The following NRBP2 variants were observed in gnomAD, a reference collection of about 807,000 sequenced individuals.
The protein encoded by NRBP2 is nuclear receptor-binding protein 2.
Under a neutral mutation model 74.4 loss-of-function variants are expected in NRBP2, and 47 were observed. The observed-to-expected ratio is 0.63, with a 90% CI of 0.50 to 0.81. The LOEUF (loss-of-function observed/expected upper bound fraction) is 0.81, where lower values mean the gene tolerates loss of function less well. Ranked by LOEUF, NRBP2 falls within the 30% of genes least tolerant of loss-of-function variation. The pLI is 0.00. For missense variants in NRBP2, 613 were observed against 690.1 expected (o/e 0.89, Z 1.25); for synonymous variants, 312 against 273.8 (o/e 1.14, Z -1.38).
In NRBP2 at chr8:143,840,807, G is replaced by T. The variant is rs2130565302; in HGVS notation, c.28C>A (p.Arg10=). 6.7e-7 allele frequency: 1 copy of T among 1,496,048 alleles called. No individual in the cohort carries two copies. The highest frequency in any genetic ancestry group is 1.3e-5 in the South Asian group (1 of 79,978). The allele number at this position is 1,496,048 out of a possible 1,614,324, so 92.7% of individuals were successfully genotyped here. Residue 10 remains arginine, a synonymous_variant, in exon 1 of 18, where the codon CGG becomes AGG. Transcript: ENST00000442628. This position sits in a 1 kb window ranked among gnomAD's most constrained non-coding sequence, Gnocchi z 5.7. MAAPEPAPR[R]ARERERERED... ...CGCTCCCGCTCCCGTTCCCGGGCCCGCCTCGGCGCCGGCTCCGGGGCCGCC... is the reference window on the plus strand; with the variant it reads ...CGCTCCCGCTCCCGTTCCCGGGCCCTCCTCGGCGCCGGCTCCGGGGCCGCC...
chr8:143,836,618 G>C (rs1256207966), intron 14 of NRBP2, among the ~76,000 whole-genome samples: 1 of 150,002 alleles, frequency 6.7e-6, no homozygotes, highest in Non-Finnish European at 1.5e-5. Context: ...CTGGCCAGGA[G>C]GGGGTGCTGC....
chr8:143,839,377 G>C lies in NRBP2; in HGVS notation c.517C>G (p.His173Asp). ...FLHACSPPII[H>D]GNLTSDTIFI... ...ATGGTGTCGCTGGTCAGGTTCCCGT[G>C]GATGATTGGGGGGCTGCAGGCGTGC... Residue 173 changes from histidine (H) to aspartate (D), a missense_variant, in exon 6 of 18, where the codon CAC (histidine) becomes GAC (aspartate). This residue lies in a region of NRBP2 where 332 missense variants were observed against 429.2 expected (regional missense o/e 0.77). Coordinates refer to ENST00000442628, the MANE Select transcript of NRBP2 (RefSeq NM_178564.4). The surrounding 1 kb of genome is among the most constrained non-coding windows in gnomAD (Gnocchi z 5.1). 2 of 1,589,092 alleles carry C rather than the reference G, an allele frequency of 1.3e-6. No homozygotes were observed. Among genetic ancestry groups the C allele is most frequent in the Non-Finnish European group, 1.7e-6 (2 of 1,174,996 alleles).
At position 143,839,909 on chromosome 8, in the gene NRBP2, G is replaced by C. The variant is rs1365609206; in HGVS notation, c.354+20C>G. 1.3e-6 allele frequency: 2 copies of C among 1,535,312 alleles called. No homozygotes were observed. Among genetic ancestry groups the C allele is most frequent in the South Asian group, 1.2e-5 (1 of 84,046 alleles). ...ACCTAGCTGTGGTCTCTGCCTGCCCGGGGCCTTGCCCGTGCTCACCCTCGC... is the reference window on the plus strand; with the variant it reads ...ACCTAGCTGTGGTCTCTGCCTGCCCCGGGCCTTGCCCGTGCTCACCCTCGC... On this transcript the variant is annotated intron_variant, in intron 3 of 17. Transcript: ENST00000442628. This position sits in a 1 kb window ranked among gnomAD's most constrained non-coding sequence, Gnocchi z 5.1.
At position 143,838,741 on chromosome 8, in the gene NRBP2, G is replaced by A. The variant is rs375214093; in HGVS notation, c.779C>T (p.Thr260Ile). 6.2e-7 allele frequency: 1 copy of A among 1,613,440 alleles called. No individual in the cohort carries two copies. ...AGCAATGGCCTCCTCTGTGACCCGGGTGTCCCCATTGGTCTGGATTTCCAG... is the reference window on the plus strand; with the variant it reads ...AGCAATGGCCTCCTCTGTGACCCGGATGTCCCCATTGGTCTGGATTTCCAG... The part of the protein sequence containing the change: ...AVLEIQTNGD[T>I]RVTEEAIARA... The change falls in exon 10 of 18, where the codon ACC (threonine) becomes ATC (isoleucine). Residue 260 changes from threonine to isoleucine, a missense_variant. Coordinates refer to ENST00000442628, the MANE Select transcript of NRBP2 (RefSeq NM_178564.4).
Position 143,840,925 on chromosome 8 carries a change from G to T in NRBP2, c.-91C>A. On this transcript the variant is annotated 5_prime_UTR_variant, in exon 1 of 18. In the 5' UTR this introduces an upstream ATG that the reference lacks. Transcript: ENST00000442628. The surrounding 1 kb of genome is among the most constrained non-coding windows in gnomAD (Gnocchi z 5.7). Reference sequence around the variant, plus strand: ...CCCTGGCCTCGCGCCCAGCAGCCCAGCCTAGAGCCGCCGCGGCAGCCTAGA... The same window carrying T: ...CCCTGGCCTCGCGCCCAGCAGCCCATCCTAGAGCCGCCGCGGCAGCCTAGA... 2 of 1,178,312 alleles carry T rather than the reference G, an allele frequency of 1.7e-6. No individual in the cohort carries two copies. Among genetic ancestry groups the T allele is most frequent in the East Asian group, 3.9e-5 (1 of 25,822 alleles). 73.0% of individuals were successfully genotyped at this position (1,178,312 alleles called of 1,614,324 possible).
rs1818563276 is a variant in NRBP2, at chr8:143,839,019, C to T, written c.686G>A (p.Gly229Glu). The change falls in exon 8 of 18, where the codon GGA becomes GAA. Residue 229 changes from glycine to glutamate, a missense_variant and splice_region_variant. By Grantham distance (98) the Gly-to-Glu change is moderately conservative. Coordinates refer to ENST00000442628, the MANE Select transcript of NRBP2 (RefSeq NM_178564.4). The surrounding 1 kb of genome is among the most constrained non-coding windows in gnomAD (Gnocchi z 5.1). Reference sequence around the variant, plus strand: ...CACCCGGACCCAGCACCACTCACCTCCATACTCTGGGGGGAAGAAGTGCAG... The same window carrying T: ...CACCCGGACCCAGCACCACTCACCTTCATACTCTGGGGGGAAGAAGTGCAG... Reference protein sequence around the residue: ...RNLHFFPPEYGEVADGTAVDI... With the variant: ...RNLHFFPPEYEEVADGTAVDI... 6.5e-7 allele frequency: 1 copy of T among 1,547,046 alleles called. No homozygotes were observed. The highest frequency in any genetic ancestry group is 8.7e-7 in the Non-Finnish European group (1 of 1,146,748).
chr8:143,831,059 G>C (rs1378972012), downstream of NRBP2, among the ~76,000 whole-genome samples: 1 of 152,182 alleles, frequency 6.6e-6, no homozygotes, highest in Non-Finnish European at 1.5e-5. Flanking sequence ...GGAGGTGGGG[G>C]GCTGGTCTGC....
chr8:143,840,544 A>C lies in NRBP2; in HGVS notation c.129+162T>G. ...CTCAGGGAGTCCCAGGGCGAGCGCC[A>C]GGCCAAAGGGGTCCAGGGGTGGCTG... On this transcript the variant is annotated intron_variant, in intron 1 of 17. Coordinates refer to ENST00000442628, the MANE Select transcript of NRBP2 (RefSeq NM_178564.4). The surrounding 1 kb of genome is among the most constrained non-coding windows in gnomAD (Gnocchi z 5.7). 1 of 754,736 alleles carries C rather than the reference A, an allele frequency of 1.3e-6. No individual in the cohort carries two copies. The highest frequency in any genetic ancestry group is 2.0e-6 in the Non-Finnish European group (1 of 489,640). The allele number at this position is 754,736 out of a possible 1,614,324, so 46.8% of individuals were successfully genotyped here.
chr8:143,839,151 C>T lies in NRBP2; in HGVS notation c.604+21G>A, dbSNP rs1006427737. ...GGCGGGGACCTCTCCAGGACCCCGTCCCCCCAAAGTCCGCACTTACCATTG... is the reference window on the plus strand; with the variant it reads ...GGCGGGGACCTCTCCAGGACCCCGTTCCCCCAAAGTCCGCACTTACCATTG... On this transcript the variant is annotated intron_variant, in intron 7 of 17. Coordinates refer to ENST00000442628, the MANE Select transcript of NRBP2 (RefSeq NM_178564.4). This position sits in a 1 kb window ranked among gnomAD's most constrained non-coding sequence, Gnocchi z 5.1. 14 of 1,517,394 alleles carry T rather than the reference C, an allele frequency of 9.2e-6. No homozygotes were observed. Among genetic ancestry groups the T allele is most frequent in the African/African-American group, 8.3e-5 (6 of 72,726 alleles). The allele number at this position is 1,517,394 out of a possible 1,614,324, so 94.0% of individuals were successfully genotyped here.
In NRBP2 at chr8:143,836,156, C is replaced by G; in HGVS notation, c.1288G>C (p.Glu430Gln). The G allele has an allele frequency of 6.3e-7, 1 of 1,587,670 alleles. No individual in the cohort carries two copies. Among genetic ancestry groups the G allele is most frequent in the Non-Finnish European group, 8.5e-7 (1 of 1,171,148 alleles). ...RKVIQMQCNL[E>Q]RSEDKARWHL... ...CAGCGCGCCTTGTCCTCGCTTCTCT[C>G]CAGGTTGCACTGCATCTGGATGACC... The change falls in exon 15 of 18, where the codon GAG becomes CAG. Residue 430 changes from glutamate to glutamine, a missense_variant. Around this residue, in one of 2 missense-constraint regions of NRBP2, gnomAD observed 281 missense variants for 260.9 expected, o/e 1.08. Coordinates refer to ENST00000442628, the MANE Select transcript of NRBP2 (RefSeq NM_178564.4).
chr8:143,838,063 GGCTCA>G, intron 10 of NRBP2: 1 of 618,426 alleles, frequency 1.6e-6, no homozygotes, highest in Non-Finnish European at 3.0e-6. Flanking sequence ...CCTTTTGATC[GGCTCA>G]GCTCGGGCCC....
downstream of NRBP2, among the ~76,000 whole-genome samples, chr8:143,832,105 A>C (rs1308821383): frequency 6.6e-6 from 1 of 152,194 alleles, no homozygotes; most frequent in Non-Finnish European, 1.5e-5. Context: ...AGACTCTGTT[A>C]ATCTATGACC....
In NRBP2 at chr8:143,835,929, G is replaced by C. The variant is rs782258832; in HGVS notation, c.1381+38C>G. On this transcript the variant is annotated intron_variant, in intron 16 of 17. Transcript: ENST00000442628. The surrounding 1 kb of genome is among the most constrained non-coding windows in gnomAD (Gnocchi z 4.9). ...AGGCCGCTGCCCACCCGCCGCCTGG[G>C]GTCACCGCCCGCCGCCCAAGTCCCC... 2 of 1,591,588 alleles carry C rather than the reference G, an allele frequency of 1.3e-6. No homozygotes were observed. Among genetic ancestry groups the C allele is most frequent in the East Asian group, 2.3e-5 (1 of 44,302 alleles).
At position 143,835,472 on chromosome 8, in the gene NRBP2, C is replaced by T; in HGVS notation, c.*190G>A. ...TGGGAGGCCTAACGGCTCCCCCACA[C>T]CCACCCCCCAACCCCTCGGCGCCCA... On this transcript the variant is annotated 3_prime_UTR_variant, in exon 18 of 18. Transcript: ENST00000442628. This position sits in a 1 kb window ranked among gnomAD's most constrained non-coding sequence, Gnocchi z 4.9. The T allele has an allele frequency of 1.5e-6, 1 of 658,694 alleles. No individual in the cohort carries two copies. Among genetic ancestry groups the T allele is most frequent in the Non-Finnish European group, 2.7e-6 (1 of 372,358 alleles). The allele number at this position is 658,694 out of a possible 1,614,324, so 40.8% of individuals were successfully genotyped here. A position where few individuals can be genotyped will look rare whatever the true frequency, so the allele number is the denominator to read the frequency against.
chr8:143,839,171 C>G lies in NRBP2; in HGVS notation c.604+1G>C. 1.3e-6 allele frequency: 2 copies of G among 1,526,248 alleles called. No homozygotes were observed. The highest frequency in any genetic ancestry group is 1.8e-6 in the Non-Finnish European group (2 of 1,140,604). 94.5% of individuals were successfully genotyped at this position (1,526,248 alleles called of 1,614,324 possible). A position where few individuals can be genotyped will look rare whatever the true frequency, so the allele number is the denominator to read the frequency against. ...CCCGTCCCCCCAAAGTCCGCACTTA[C>G]CATTGGAGAAGATTCGGTGCCACAC... On this transcript the variant is annotated splice_donor_variant, in intron 7 of 17. Transcript: ENST00000442628. LOFTEE classifies it high-confidence loss of function. This position sits in a 1 kb window ranked among gnomAD's most constrained non-coding sequence, Gnocchi z 5.1.
In NRBP2 at chr8:143,835,459, C is replaced by A. The variant is rs1205587783; in HGVS notation, c.*203G>T. ...GATCCTAAGGACCTGGGAGGCCTAA[C>A]GGCTCCCCCACACCCACCCCCCAAC... is the stretch of plus-strand genomic sequence containing the variant. On this transcript the variant is annotated 3_prime_UTR_variant, in exon 18 of 18. Transcript: ENST00000442628. The surrounding 1 kb of genome is among the most constrained non-coding windows in gnomAD (Gnocchi z 4.9). 1 of 654,684 alleles carries A rather than the reference C, an allele frequency of 1.5e-6. No homozygotes were observed. The highest frequency in any genetic ancestry group is 1.7e-5 in the South Asian group (1 of 59,588). 40.6% of individuals were successfully genotyped at this position (654,684 alleles called of 1,614,324 possible). A position where few individuals can be genotyped will look rare whatever the true frequency, so the allele number is the denominator to read the frequency against.
downstream of NRBP2, chr8:143,833,463 C>T (rs868913088): frequency 1.3e-5 from 2 of 152,106 alleles, no homozygotes; most frequent in Non-Finnish European, 2.9e-5. Flanking sequence ...GCCCTCCTCC[C>T]AGAGGATGCC....
chr8:143,839,093 TG>T lies in NRBP2; in HGVS notation c.611del (p.Pro204GlnfsTer71). ...CGCGGATGGGGCTTCGGAGATCATC[TG>T]GAAGTGCTGTGGGAGGGCGCAGAGC... ...VWHRIFSNAL[P>X]DDLRSPIRAE... On this transcript the variant is annotated frameshift_variant, in exon 8 of 18. Transcript: ENST00000442628. LOFTEE classifies it high-confidence loss of function. This position sits in a 1 kb window ranked among gnomAD's most constrained non-coding sequence, Gnocchi z 5.1. 1 of 1,524,556 alleles carries T rather than the reference TG, an allele frequency of 6.6e-7. No homozygotes were observed. The highest frequency in any genetic ancestry group is 8.8e-7 in the Non-Finnish European group (1 of 1,139,238). 94.4% of individuals were successfully genotyped at this position (1,524,556 alleles called of 1,614,324 possible). A position where few individuals can be genotyped will look rare whatever the true frequency, so the allele number is the denominator to read the frequency against.
chr8:143,835,781 C>G lies in NRBP2; in HGVS notation c.1437+39G>C. 1.2e-6 allele frequency: 2 copies of G among 1,601,560 alleles called. No individual in the cohort carries two copies. Among genetic ancestry groups the G allele is most frequent in the African/African-American group, 2.7e-5 (2 of 74,608 alleles). On this transcript the variant is annotated intron_variant, in intron 17 of 17. Coordinates refer to ENST00000442628, the MANE Select transcript of NRBP2 (RefSeq NM_178564.4). This position sits in a 1 kb window ranked among gnomAD's most constrained non-coding sequence, Gnocchi z 4.9. ...ACGGAGGGGCGCGGCCTGCCCCGTG[C>G]GCCCCCTCCGCCAGGCCGCGCCGCA...
Sources: gnomAD v4.1 joint callset for allele counts (sites outside exome capture counted in the v4.1 genomes callset) on GRCh38, gnomAD v4.1.1 for gene constraint, gnomAD v4.1.1 regional missense constraint, Gnocchi (gnomAD v3.1) non-coding constraint, MANE v1.5 for transcripts, NCBI Gene and HGNC (gene_info 2026-07-23, HGNC 2026-07-21) for gene names.